The following BRWD1 variants were observed in gnomAD, a reference collection of about 807,000 sequenced individuals.
BRWD1 encodes the protein bromodomain and WD repeat domain containing 1, also known as bromodomain and WD repeat-containing protein 1.
BRWD1 carries 82 observed loss-of-function variants against 251.2 expected under a neutral mutation model. The ratio of observed to expected loss-of-function variants is 0.33; its 90% confidence interval spans 0.27 to 0.39. The LOEUF (loss-of-function observed/expected upper bound fraction) is 0.39. Ranked by LOEUF, BRWD1 falls within the 10% of genes least tolerant of loss-of-function variation. BRWD1 has a pLI of 1.00. For missense variants in BRWD1, 2,233 were observed against 2,711.6 expected, an observed-to-expected ratio of 0.82 and a Z score of 3.92; for synonymous variants, 918 against 902.8, an observed-to-expected ratio of 1.02 and a Z score of -0.30.
chr21:39,198,065 A>G (rs1387769692), intron 40 of BRWD1, among the ~76,000 whole-genome samples: 2 of 152,070 alleles, frequency 1.3e-5, no homozygotes, highest in Non-Finnish European at 2.9e-5. Flanking sequence ...ATCACTTAAC[A>G]CTCAGCCTCT....
upstream of BRWD1, chr21:39,314,337 G>A (rs748569916): frequency 1.3e-5 from 6 of 455,812 alleles, no homozygotes; most frequent in South Asian, 6.2e-5. Flanking sequence ...TACATAAAAT[G>A]CAGCGCTTCG....
At chr21:39,236,821 G>A in intron 22 of BRWD1, 37 bp from the exon 23 acceptor site, 1 of 1,558,118 alleles carries the variant, frequency 6.4e-7, no homozygotes, top group Non-Finnish European at 8.8e-7. Context: ...AATGGAGCCA[G>A]AATATAAGCA....
intron 4 of BRWD1, among the ~76,000 whole-genome samples, chr21:39,298,935 C>G (rs910713605): frequency 1.3e-5 from 2 of 152,168 alleles, no homozygotes; most frequent in Non-Finnish European, 2.9e-5. Flanking sequence ...CAAAATTGCA[C>G]TAACTGGGCC....
rs201930802 is a variant in BRWD1 at position 39,187,092 on chromosome 21, T to C, written c.*9167A>G. The C allele has an allele frequency of 4.7e-4, 754 of 1,603,228 alleles. 4 individuals carry two copies. In the Admixed American group the frequency reaches 6.8e-3, roughly 14 times the overall value. ...AAAGCATTTTTCTATTAATATCTTC[T>C]AGCTCTTTTTCACTTTCAGAATTTA... On this transcript the variant is annotated 3_prime_UTR_variant, in exon 41 of 41. Coordinates refer to ENST00000342449, the MANE Select transcript of BRWD1 (RefSeq NM_033656.4).
Position 39,194,065 on chromosome 21 carries a change from C to T in BRWD1, c.*2194G>A. ...TGATGAAACCAAATCTGATTAAAAA[C>T]CAAAATACCACTTCTGTATGCAAGG... On this transcript the variant is annotated 3_prime_UTR_variant, in exon 41 of 41. Coordinates refer to ENST00000342449, the MANE Select transcript of BRWD1 (RefSeq NM_033656.4). The T allele has an allele frequency of 2.0e-6, 2 of 985,452 alleles. No homozygotes were observed. Among genetic ancestry groups the T allele is most frequent in the Non-Finnish European group, 2.4e-6 (2 of 829,704 alleles). 61.0% of individuals were successfully genotyped at this position (985,452 alleles called of 1,614,324 possible). A position where few individuals can be genotyped will look rare whatever the true frequency, so the allele number is the denominator to read the frequency against.
At chr21:39,283,481 T>C (rs946373525) in intron 8 of BRWD1, among the ~76,000 whole-genome samples, 3 of 152,352 alleles carry the variant, frequency 2.0e-5, no homozygotes, top group African/African-American at 7.2e-5. Context: ...TGAGGGGTTT[T>C]GTTGCTATTA....
At chr21:39,220,824 A>G (rs1386335973) in intron 29 of BRWD1, among the ~76,000 whole-genome samples, 3 of 152,194 alleles carry the variant, frequency 2.0e-5, no homozygotes, top group Non-Finnish European at 4.4e-5. Flanking sequence ...GATACATAAG[A>G]TATTCCGAAA....
chr21:39,194,005 GCTTTTAAAGA>G lies in BRWD1; in HGVS notation c.*2244_*2253del. ...TTGAGAAGCTACCATTGTCGGCTATGCTTTTAAAGACATCAGGTCCATTCTTGCTGCTTCT... is the reference window on the plus strand; with the variant it reads ...TTGAGAAGCTACCATTGTCGGCTATGCATCAGGTCCATTCTTGCTGCTTCT... On this transcript the variant is annotated 3_prime_UTR_variant, in exon 41 of 41. Transcript: ENST00000342449. 4.1e-6 allele frequency: 4 copies of G among 985,520 alleles called. No homozygotes were observed. The highest frequency in any genetic ancestry group is 4.8e-6 in the Non-Finnish European group (4 of 829,700). The allele number at this position is 985,520 out of a possible 1,614,324, so 61.0% of individuals were successfully genotyped here.
chr21:39,282,354 AT>A lies in BRWD1; in HGVS notation c.832-2107del, dbSNP rs977456818. Among the ~76,000 whole-genome samples the A allele has an allele frequency of 5.8e-4, 88 of 152,140 alleles. 2 individuals are homozygous for A. The highest frequency in any genetic ancestry group is 2.0e-3 in the African/African-American group (84 of 41,540). On this transcript the variant is annotated intron_variant, in intron 8 of 40. Coordinates refer to ENST00000342449, the MANE Select transcript of BRWD1 (RefSeq NM_033656.4). Reference sequence around the variant, plus strand: ...AAGCAAAGTAAGGAAGAAATTATGGATTTTTTTTAATGTTGAAAGTGATTGT... The same window carrying A: ...AAGCAAAGTAAGGAAGAAATTATGGATTTTTTTAATGTTGAAAGTGATTGT...
chr21:39,313,629 G>A lies in BRWD1; in HGVS notation c.-138C>T. On this transcript the variant is annotated 5_prime_UTR_variant, in exon 1 of 41. Transcript: ENST00000342449. The stretch of plus-strand genomic sequence containing the variant: ...CCGCCGCCGCCATACCGTGCGCGCC[G>A]CCTGGACCGACGCCTCCGCGGGGGA... 3 of 622,246 alleles carry A rather than the reference G, an allele frequency of 4.8e-6. No homozygotes were observed. The highest frequency in any genetic ancestry group is 6.9e-6 in the Non-Finnish European group (3 of 433,656). 38.5% of individuals were successfully genotyped at this position (622,246 alleles called of 1,614,324 possible).
At chr21:39,309,456 T>C (rs541838653) in intron 4 of BRWD1, among the ~76,000 whole-genome samples, 1 of 151,840 alleles carries the variant, frequency 6.6e-6, no homozygotes, top group African/African-American at 2.4e-5. Context: ...AGACCCAGGG[T>C]GGGGCGGGGA....
At position 39,200,263 on chromosome 21, in the gene BRWD1, C is replaced by T. The variant is rs752111239; in HGVS notation, c.4709G>A (p.Ser1570Asn). The change falls in exon 39 of 41, where the codon AGC becomes AAC. Residue 1570 changes from serine to asparagine, a missense_variant. By Grantham distance (46) the Ser-to-Asn change is conservative (BLOSUM62 1). Coordinates refer to ENST00000342449, the MANE Select transcript of BRWD1 (RefSeq NM_033656.4). ...TCTAGTTCTGGTTACCCTGAGATTG[C>T]TGCTTCTGGATAGCCCACTGCGTGA... ...SSSRSGLSRS[S>N]NLRVTRTRAA... 4.3e-6 allele frequency: 7 copies of T among 1,613,872 alleles called. No homozygotes were observed. In the South Asian group the frequency reaches 4.4e-5, roughly 10 times the overall value.
chr21:39,312,103 G>C (rs1356079797), intron 4 of BRWD1, among the ~76,000 whole-genome samples: 3 of 152,192 alleles, frequency 2.0e-5, no homozygotes, highest in African/African-American at 4.8e-5. Flanking sequence ...TGCAACTGCT[G>C]TAACTATAGA....
chr21:39,314,276 G>A (rs1015107204), upstream of BRWD1: 1 of 455,972 alleles, frequency 2.2e-6, no homozygotes, highest in Admixed American at 2.3e-5. Context: ...GGCGCTGAAG[G>A]CTGCCGAGAC....
At chr21:39,261,902 A>G (rs2034763062) in intron 17 of BRWD1, among the ~76,000 whole-genome samples, 1 of 152,242 alleles carries the variant, frequency 6.6e-6, no homozygotes, top group African/African-American at 2.4e-5. Flanking sequence ...TTAATAGAGT[A>G]CTTAATACTT....
rs779275575 is a variant in BRWD1 at position 39,294,076 on chromosome 21, C to A, written c.610-44G>T. The A allele has an allele frequency of 6.0e-6, 9 of 1,500,134 alleles. No homozygotes were observed. The South Asian group carries it at 1.1e-4, about 18-fold the overall frequency. 92.9% of individuals were successfully genotyped at this position (1,500,134 alleles called of 1,614,324 possible). A position where few individuals can be genotyped will look rare whatever the true frequency, so the allele number is the denominator to read the frequency against. On this transcript the variant is annotated intron_variant, in intron 7 of 40. Coordinates refer to ENST00000342449, the MANE Select transcript of BRWD1 (RefSeq NM_033656.4). ...AAAAATTAATGTTAGTACAGCAAAT[C>A]TTTTAAATATTAAAAGAATACCTTT...
At position 39,213,623 on chromosome 21, in the gene BRWD1, AT is replaced by A. The variant is rs1456252304; in HGVS notation, c.3786-71del. On this transcript the variant is annotated intron_variant, in intron 32 of 40. Transcript: ENST00000342449. Reference sequence around the variant, plus strand: ...TTGTTGGCAAGGATTCAAATTATACATTAAAATATAAACAGTTCACCAACCT... The same window carrying A: ...TTGTTGGCAAGGATTCAAATTATACATAAAATATAAACAGTTCACCAACCT... 2.9e-6 allele frequency: 3 copies of A among 1,039,524 alleles called. No individual in the cohort carries two copies. In the East Asian group the frequency reaches 7.5e-5, roughly 26 times the overall value. 64.4% of individuals were successfully genotyped at this position (1,039,524 alleles called of 1,614,324 possible). A position where few individuals can be genotyped will look rare whatever the true frequency, so the allele number is the denominator to read the frequency against.
At chr21:39,208,407 C>G (rs1181683092) in intron 36 of BRWD1, among the ~76,000 whole-genome samples, 2 of 152,116 alleles carry the variant, frequency 1.3e-5, no homozygotes, top group Non-Finnish European at 2.9e-5. Context: ...AAATTGAGAC[C>G]AGAGGCAGTA....
chr21:39,317,568 A>G (rs2036711042), upstream of BRWD1, among the ~76,000 whole-genome samples: 1 of 152,210 alleles, frequency 6.6e-6, no homozygotes, highest in Non-Finnish European at 1.5e-5. Flanking sequence ...AAACACAAAC[A>G]CTGCAAAGTC....
Sources: gnomAD v4.1 joint callset for allele counts (sites outside exome capture counted in the v4.1 genomes callset) on GRCh38, gnomAD v4.1.1 for gene constraint, MANE v1.5 for transcripts, NCBI Gene and HGNC (gene_info 2026-07-23, HGNC 2026-07-21) for gene names.